Variants in SASH1 observed in about 807,000 individuals in gnomAD.
SASH1 encodes the protein SAM and SH3 domain containing 1, also known as SAM and SH3 domain-containing protein 1.
A neutral mutation model predicts 125.2 loss-of-function variants in SASH1; 44 were observed. That is an observed-to-expected ratio of 0.35 (90% confidence interval 0.28 to 0.45). SASH1 has a LOEUF of 0.45. Among genes scored for constraint, SASH1 ranks in the 20% least tolerant of loss-of-function variants. The pLI, the probability that SASH1 is intolerant of heterozygous loss-of-function variation, is 1.00. For synonymous variants in SASH1, 639 were observed against 649.1 expected, an observed-to-expected ratio of 0.98 and a Z score of 0.24; for missense variants, 1,426 against 1,614.5, an observed-to-expected ratio of 0.88 and a Z score of 2.00.
At chr6:148,352,885 G>A (rs2495955) in intron 1 of SASH1, among the ~76,000 whole-genome samples, 34,882 of 151,798 alleles carry the variant, frequency 0.23, 4,366 homozygotes, top group East Asian at 0.28. Flanking sequence ...AGGGAGAATT[G>A]CTTGAACCTG....
At chr6:148,366,104 C>T (rs1782443670) in intron 1 of SASH1, among the ~76,000 whole-genome samples, 1 of 149,850 alleles carries the variant, frequency 6.7e-6, no homozygotes, top group Non-Finnish European at 1.5e-5. Flanking sequence ...TAGAGTGAAA[C>T]TCTGTCTCAA....
At chr6:148,362,165 G>T (rs995196444) in intron 1 of SASH1, among the ~76,000 whole-genome samples, 4 of 151,310 alleles carry the variant, frequency 2.6e-5, no homozygotes, top group African/African-American at 7.3e-5. Flanking sequence ...CTGACCTTGT[G>T]ATCCGCCCAC....
At chr6:148,459,296 C>T (rs1369004627) in intron 4 of SASH1, among the ~76,000 whole-genome samples, 1 of 152,170 alleles carries the variant, frequency 6.6e-6, no homozygotes, top group Non-Finnish European at 1.5e-5. Context: ...TGAATCCCAT[C>T]CCAGATCTGA....
rs10699825 is a variant in SASH1 at position 148,366,989 on chromosome 6, T to TTA, written c.157-23145_157-23144insTA. Among the ~76,000 whole-genome samples, 179 of 147,534 alleles carry TTA rather than the reference T, an allele frequency of 1.2e-3. 2 individuals carry two copies. In the East Asian group the frequency reaches 0.027, roughly 22 times the overall value. On this transcript the variant is annotated intron_variant, in intron 1 of 19. Transcript: ENST00000367467. ...TGGGTAGCTTTTTTTTTTTTTTTTT[T>TTA]AAGACTGAGTCTTGCTCTGTTGCCC...
intron 1 of SASH1, among the ~76,000 whole-genome samples, chr6:148,330,074 T>C (rs185705692): frequency 1.2e-4 from 18 of 152,318 alleles, no homozygotes; most frequent in African/African-American, 4.3e-4. Context: ...ACTTAAAAAA[T>C]GAGTAGTAAA....
At chr6:148,248,162 A>C in the SASH1 span, among the ~76,000 whole-genome samples, 1 of 152,224 alleles carries the variant, frequency 6.6e-6, no homozygotes, top group African/African-American at 2.4e-5. Context: ...AATGGAGCTG[A>C]GTGAAAGCTT....
intron 1 of SASH1, among the ~76,000 whole-genome samples, chr6:148,324,986 T>A (rs1349243905): frequency 6.6e-6 from 1 of 152,168 alleles, no homozygotes; most frequent in East Asian, 1.9e-4. Context: ...ACTGAGCTAC[T>A]CCCCAGTTAC....
At chr6:148,386,294 G>A (rs1783363584) in intron 1 of SASH1, among the ~76,000 whole-genome samples, 1 of 152,224 alleles carries the variant, frequency 6.6e-6, no homozygotes, top group African/African-American at 2.4e-5. Context: ...AAAAGGGGAA[G>A]AAAGTAGTTT....
intron 1 of SASH1, among the ~76,000 whole-genome samples, chr6:148,323,117 C>A (rs1370531758): frequency 6.6e-6 from 1 of 152,076 alleles, no homozygotes; most frequent in Middle Eastern, 3.4e-3. Context: ...TTAAGTGATT[C>A]TCCTGCCCTA....
chr6:148,468,676 C>A, intron 5 of SASH1, 91 bp downstream of exon 5: 1 of 792,730 alleles, frequency 1.3e-6, no homozygotes, highest in Non-Finnish European at 2.0e-6. Context: ...CCACAAGAAT[C>A]CTTCTACTCA....
At chr6:148,497,526 CTG>C (rs1228560253) in intron 8 of SASH1, among the ~76,000 whole-genome samples, 1 of 152,234 alleles carries the variant, frequency 6.6e-6, no homozygotes, top group Non-Finnish European at 1.5e-5. Context: ...CCTATTAGCT[CTG>C]TATCTGTGGC....
In SASH1 at chr6:148,550,137, T is replaced by C. The variant is rs1358381574; in HGVS notation, c.*1579T>C. 1 of 152,240 alleles carries C rather than the reference T, an allele frequency of 6.6e-6. No individual in the cohort carries two copies. Among genetic ancestry groups the C allele is most frequent in the Non-Finnish European group, 1.5e-5 (1 of 68,048 alleles). 9.4% of individuals were successfully genotyped at this position (152,240 alleles called of 1,614,324 possible). On this transcript the variant is annotated 3_prime_UTR_variant, in exon 20 of 20. Coordinates refer to ENST00000367467, the MANE Select transcript of SASH1 (RefSeq NM_015278.5). ...GCCTCTGTCCTCTTTTAGTCTAGTGTCTGGTTTTCTAGCAAACAGTAAATT... is the reference window on the plus strand; with the variant it reads ...GCCTCTGTCCTCTTTTAGTCTAGTGCCTGGTTTTCTAGCAAACAGTAAATT...
the SASH1 span, among the ~76,000 whole-genome samples, chr6:148,193,592 T>G: frequency 6.6e-6 from 1 of 152,218 alleles, no homozygotes; most frequent in African/African-American, 2.4e-5. Flanking sequence ...TGGAGCATTT[T>G]ACAAGGGAAG....
intron 1 of SASH1, among the ~76,000 whole-genome samples, chr6:148,364,224 C>G (rs550633567): frequency 2.2e-4 from 34 of 152,242 alleles, no homozygotes; most frequent in African/African-American, 7.2e-4. Flanking sequence ...AGCAGACATC[C>G]TATTAAGAAA....
At chr6:148,251,708 GTT>G in the SASH1 span, among the ~76,000 whole-genome samples, 1 of 151,434 alleles carries the variant, frequency 6.6e-6, no homozygotes, top group Non-Finnish European at 1.5e-5. Flanking sequence ...TATACTTTAA[GTT>G]TTAGGGTACA....
chr6:148,330,817 C>G (rs1223866756), intron 1 of SASH1, among the ~76,000 whole-genome samples: 1 of 152,164 alleles, frequency 6.6e-6, no homozygotes, highest in Non-Finnish European at 1.5e-5. Context: ...AACTCCTGAC[C>G]TCAGGTGATC....
intron 4 of SASH1, among the ~76,000 whole-genome samples, chr6:148,460,998 G>A (rs1481643022): frequency 2.6e-5 from 4 of 152,226 alleles, no homozygotes; most frequent in African/African-American, 9.7e-5. Context: ...AGAAGACTAA[G>A]TTCGTCAGTT....
At chr6:148,420,291 A>G (rs1223195692) in intron 2 of SASH1, among the ~76,000 whole-genome samples, 1 of 152,192 alleles carries the variant, frequency 6.6e-6, no homozygotes, top group Non-Finnish European at 1.5e-5. Context: ...TTTAAGCAGA[A>G]ACATTTTTGT....
intron 2 of SASH1, among the ~76,000 whole-genome samples, chr6:148,415,102 A>ATGACAAATGAGTAGGGCTTCCAT (rs1440675124): frequency 3.9e-5 from 6 of 152,220 alleles, no homozygotes; most frequent in Admixed American, 3.3e-4. Context: ...TATTTTTATG[A>ATGACAAATGAGTAGGGCTTCCAT]TGACAAATGA....
Sources: allele counts gnomAD v4.1 joint callset (sites outside exome capture counted in the v4.1 genomes callset), GRCh38; gene constraint gnomAD v4.1.1; transcripts MANE v1.5; gene names NCBI Gene and HGNC (gene_info 2026-07-23, HGNC 2026-07-21).